KDM5D: variants seen among roughly 807,000 people sequenced by gnomAD.
KDM5D encodes lysine-specific demethylase 5D.
KDM5D carries 25 observed loss-of-function variants against 31.9 expected under a neutral mutation model. That is an observed-to-expected ratio of 0.78 (90% CI 0.57 to 1.09). The LOEUF (loss-of-function observed/expected upper bound fraction) is 1.09, where lower values mean the gene tolerates loss of function less well. Ranked by LOEUF, KDM5D falls within the 50% of genes least tolerant of loss-of-function variation. The probability of loss-of-function intolerance (pLI) is 0.00; values close to 1 mark genes in which losing one functional copy is unlikely to be tolerated. For missense variants in KDM5D, 366 were observed against 341.6 expected, an observed-to-expected ratio of 1.07 and a Z score of -0.56; for synonymous variants, 146 against 122.3, an observed-to-expected ratio of 1.19 and a Z score of -1.28.
At chrY:19,719,600 G>A in intron 13 of KDM5D, among the ~76,000 whole-genome samples, 1 of 33,325 alleles carries the variant, frequency 3.0e-5, no homozygotes, top group African/African-American at 1.2e-4. Flanking sequence ...TGGGAATTTC[G>A]TAAGAAAAGA....
Position 19,710,393 on chromosome Y carries a change from G to C in KDM5D, c.2566C>G (p.Gln856Glu). The change falls in exon 19 of 27, where the codon CAG (glutamine) becomes GAG (glutamate). Residue 856 changes from glutamine (Q) to glutamate (E), a missense_variant. Coordinates refer to ENST00000317961, the MANE Select transcript of KDM5D (RefSeq NM_004653.5). ...QMGSLPCAMHQIGDVKDVLEQ... is the reference protein window; with the variant it reads ...QMGSLPCAMHEIGDVKDVLEQ... ...CTCCTTACCTTGACATCCCCAATCT[G>C]ATGCATGGCACAGGGCAGGCTGCCC... 5.1e-6 allele frequency: 2 copies of C among 388,875 alleles called. No homozygotes were observed. The highest frequency in any genetic ancestry group is 7.2e-6 in the Non-Finnish European group (2 of 277,823).
intron 13 of KDM5D, among the ~76,000 whole-genome samples, chrY:19,718,966 C>G (rs372748433): frequency 3.2e-5 from 1 of 31,623 alleles, no homozygotes; most frequent in Non-Finnish European, 7.7e-5. Flanking sequence ...GTCAGGAGAT[C>G]GAGACCATCC....
chrY:19,744,523 C>A lies in KDM5D; in HGVS notation c.12G>T (p.Gly4=). ...CCGGTGGCGGCAGGAACTCGTCACA[C>A]CCCGGTTCCATGTCGGGCCTTAATG... is the stretch of plus-strand genomic sequence containing the variant. The part of the protein sequence containing the change: MEP[G]CDEFLPPPEC... Residue 4 remains glycine (G), a synonymous_variant, in exon 2 of 27, where the codon GGG becomes GGT. Coordinates refer to ENST00000317961, the MANE Select transcript of KDM5D (RefSeq NM_004653.5). 2.5e-6 allele frequency: 1 copy of A among 395,335 alleles called. No individual in the cohort carries two copies. Among genetic ancestry groups the A allele is most frequent in the East Asian group, 9.3e-5 (1 of 10,800 alleles).
At chrY:19,716,852 A>G in intron 13 of KDM5D, 137 bp from the exon 14 acceptor site, 1 of 172,241 alleles carries the variant, frequency 5.8e-6, no homozygotes, top group South Asian at 4.9e-5. Context: ...GTCCTAAAAG[A>G]AAAATGAGAT....
chrY:19,741,520 G>A, intron 4 of KDM5D, 32 bp from the exon 5 acceptor site: 1 of 330,539 alleles, frequency 3.0e-6, no homozygotes, highest in South Asian at 3.3e-5. Context: ...TGGATGAACT[G>A]TGAACAGACT....
intron 18 of KDM5D, among the ~76,000 whole-genome samples, chrY:19,713,698 G>A (rs2045315247): frequency 3.0e-5 from 1 of 33,325 alleles, no homozygotes; most frequent in Non-Finnish European, 7.4e-5. Context: ...CAGGGTTGGC[G>A]GGAGTGTAAA....
At chrY:19,720,066 C>T in intron 13 of KDM5D, among the ~76,000 whole-genome samples, 1 of 31,625 alleles carries the variant, frequency 3.2e-5, no homozygotes, top group Non-Finnish European at 7.7e-5. Flanking sequence ...CTGAGAAAGG[C>T]AACTATAAAA....
rs1223337289 is a variant in KDM5D at position 19,708,861 on chromosome Y, A to G, written c.3081+14T>C. On this transcript the variant is annotated intron_variant, in intron 21 of 26. Coordinates refer to ENST00000317961, the MANE Select transcript of KDM5D (RefSeq NM_004653.5). The stretch of plus-strand genomic sequence containing the variant: ...GCTGGCCTGACGCAGTAAAGCAGAA[A>G]TACTGATCCTCACTTGGATCTCATC... 2 of 396,384 alleles carry G rather than the reference A, an allele frequency of 5.0e-6. No individual in the cohort carries two copies. The highest frequency in any genetic ancestry group is 7.1e-6 in the Non-Finnish European group (2 of 281,412).
intron 3 of KDM5D, among the ~76,000 whole-genome samples, chrY:19,742,137 T>C (rs2032648): frequency 3.1e-3 from 103 of 33,526 alleles, no homozygotes; most frequent in Non-Finnish European, 4.6e-3. Flanking sequence ...ACCAAAAATA[T>C]GTAGGCTCCA....
Position 19,715,392 on chromosome Y carries a change from T to G in KDM5D, c.2446A>C (p.Ile816Leu). ...CTGACCAGCCCCAGGACTTGAGCAA[T>G]ACAAGCCTCCACCTCACTCAGGCAG... ...KNCLSEVEAC[I>L]AQVLGLVSGQ... Residue 816 changes from isoleucine (I) to leucine (L), a missense_variant, in exon 18 of 27, where the codon ATT becomes CTT. By Grantham distance (5) the Ile-to-Leu change is conservative. Coordinates refer to ENST00000317961, the MANE Select transcript of KDM5D (RefSeq NM_004653.5). The G allele has an allele frequency of 2.5e-6, 1 of 398,428 alleles. No homozygotes were observed. Among genetic ancestry groups the G allele is most frequent in the Non-Finnish European group, 3.5e-6 (1 of 283,364 alleles).
At chrY:19,742,151 G>C (rs920620250) in intron 3 of KDM5D, among the ~76,000 whole-genome samples, 9 of 33,452 alleles carry the variant, frequency 2.7e-4, no homozygotes, top group African/African-American at 1.2e-4. Flanking sequence ...GGCTCCAACA[G>C]TATTTAGACT....
Position 19,706,797 on chromosome Y carries a change from A to T in KDM5D, c.4066T>A (p.Ser1356Thr). The change falls in exon 25 of 27, where the codon TCT becomes ACT. Residue 1356 changes from serine to threonine, a missense_variant. Transcript: ENST00000317961. The stretch of plus-strand genomic sequence containing the variant: ...ACCCAAACCACACCTGTCTTACCAG[A>T]GCCCTTTCCTGGAGCCATGTTCTCA... ...SPENMAPGKG[S>T]DLELLSSLLP... is the part of the protein sequence containing the mutation. 2.5e-6 allele frequency: 1 copy of T among 393,646 alleles called. No individual in the cohort carries two copies. Among genetic ancestry groups the T allele is most frequent in the Non-Finnish European group, 3.6e-6 (1 of 280,089 alleles).
intron 18 of KDM5D, among the ~76,000 whole-genome samples, chrY:19,711,563 C>A: frequency 6.4e-5 from 2 of 31,146 alleles, no homozygotes; most frequent in Admixed American, 5.9e-4. Flanking sequence ...CACCTGTAGA[C>A]CCAGCTACTT....
At chrY:19,719,736 CAT>C (rs2045379233) in intron 13 of KDM5D, among the ~76,000 whole-genome samples, 4 of 33,053 alleles carry the variant, frequency 1.2e-4, no homozygotes, top group African/African-American at 4.7e-4. Flanking sequence ...GGAGACACAA[CAT>C]AGTCGAACCA....
intron 11 of KDM5D, among the ~76,000 whole-genome samples, chrY:19,726,618 T>G: frequency 3.1e-5 from 1 of 32,613 alleles, no homozygotes; most frequent in Admixed American, 2.8e-4. Context: ...GATCACAGAT[T>G]GATGAGTGCA....
At chrY:19,706,926 C>A in intron 24 of KDM5D, 63 bp from the exon 25 acceptor site, 2 of 302,361 alleles carry the variant, frequency 6.6e-6, no homozygotes, top group East Asian at 1.9e-4. Context: ...ATCTTTCCTC[C>A]CACAACTCCA....
At chrY:19,737,670 G>A in intron 6 of KDM5D, among the ~76,000 whole-genome samples, 1 of 33,093 alleles carries the variant, frequency 3.0e-5, no homozygotes, top group Non-Finnish European at 7.4e-5. Flanking sequence ...TCTACATTTC[G>A]GACAGTCTAC....
chrY:19,706,106 G>T lies in KDM5D; in HGVS notation c.4509C>A (p.Phe1503Leu). 3 of 396,911 alleles carry T rather than the reference G, an allele frequency of 7.6e-6. No homozygotes were observed. The highest frequency in any genetic ancestry group is 1.1e-5 in the Non-Finnish European group (3 of 282,413). ...FLTPSTDHSP[F>L]LKGNQNSLQH... ...GTAAGCTATTTTGGTTTCCTTTCAAGAAAGGGCTGTGGTCTGTGGAAGGTG... is the reference window on the plus strand; with the variant it reads ...GTAAGCTATTTTGGTTTCCTTTCAATAAAGGGCTGTGGTCTGTGGAAGGTG... The change falls in exon 27 of 27, where the codon TTC (phenylalanine) becomes TTA (leucine). Residue 1503 changes from phenylalanine (F) to leucine (L), a missense_variant. By Grantham distance (22) the Phe-to-Leu change is conservative. Transcript: ENST00000317961.
chrY:19,737,971 C>T (rs2045521058), intron 6 of KDM5D, among the ~76,000 whole-genome samples: 1 of 32,169 alleles, frequency 3.1e-5, no homozygotes, highest in Non-Finnish European at 7.5e-5. Flanking sequence ...TTACAATTGC[C>T]TGCGACCACA....
Sources: allele counts gnomAD v4.1 joint callset (sites outside exome capture counted in the v4.1 genomes callset), GRCh38; gene constraint gnomAD v4.1.1; transcripts MANE v1.5; gene names NCBI Gene and HGNC (gene_info 2026-07-23, HGNC 2026-07-21).